CIT: variants seen among roughly 807,000 people sequenced by gnomAD.
The protein encoded by CIT is citron rho-interacting serine/threonine kinase, also known as citron Rho-interacting kinase.
A neutral mutation model predicts 272.7 loss-of-function variants in CIT; 79 were observed. The ratio of observed to expected loss-of-function variants is 0.29; its 90% CI spans 0.24 to 0.35. The LOEUF (loss-of-function observed/expected upper bound fraction) is 0.35, where lower values mean the gene tolerates loss of function less well. Among genes scored for constraint, CIT ranks in the 10% least tolerant of loss-of-function variants. The probability of loss-of-function intolerance (pLI) is 1.00; values close to 1 mark genes in which losing one functional copy is unlikely to be tolerated. For missense variants in CIT, 1,909 were observed against 2,618.3 expected (o/e 0.73, Z 5.91); for synonymous variants, 948 against 995.6 (o/e 0.95, Z 0.90).
chr12:119,700,990 T>G, intron 43 of CIT, 165 bp from the exon 44 acceptor site: 1 of 418,512 alleles, frequency 2.4e-6, no homozygotes, highest in Non-Finnish European at 4.3e-6. Flanking sequence ...TCAGCTTTAT[T>G]AAAAATGAGG....
At chr12:119,833,976 T>TG in intron 6 of CIT, 110 bp downstream of exon 6, 2 of 1,146,486 alleles carry the variant, frequency 1.7e-6, no homozygotes, top group South Asian at 3.3e-5. Context: ...AAAAACTGGA[T>TG]GGGGCGTTAT....
In CIT at chr12:119,713,297, G is replaced by A; in HGVS notation, c.4488-3C>T. 6.2e-7 allele frequency: 1 copy of A among 1,613,426 alleles called. No individual in the cohort carries two copies. Among genetic ancestry groups the A allele is most frequent in the Admixed American group, 1.7e-5 (1 of 59,992 alleles). ...CTTGCTGTCCTCGTTTGTTATTCCT[G>A]GGGAAAGAAAGATGGAAAAGAAAAA... On this transcript the variant is annotated splice_polypyrimidine_tract_variant and splice_region_variant and intron_variant, in intron 34 of 47. Transcript: ENST00000392521. This position sits in a 1 kb window ranked among gnomAD's most constrained non-coding sequence, Gnocchi z 5.2.
Position 119,858,488 on chromosome 12 carries a change from A to C in CIT, c.239-790T>G, listed in dbSNP as rs191760478. 1.5e-3 allele frequency among the ~76,000 whole-genome samples: 231 copies of C among 150,062 alleles called. 5 individuals are homozygous for C. The highest frequency in any genetic ancestry group is 5.9e-5 in the Non-Finnish European group (4 of 67,612). ...GCTGAGATTGTGCCACAGCACTCCA[A>C]TCTGGGTGACAGAGTGAAACTCTGT... On this transcript the variant is annotated intron_variant, in intron 3 of 47. Transcript: ENST00000392521.
In CIT at chr12:119,698,125, G is replaced by C. The variant is rs907150724; in HGVS notation, c.5624-71C>G. 5 of 1,345,034 alleles carry C rather than the reference G, an allele frequency of 3.7e-6. No individual in the cohort carries two copies. In the African/African-American group the frequency reaches 7.2e-5, roughly 19 times the overall value. The allele number at this position is 1,345,034 out of a possible 1,614,324, so 83.3% of individuals were successfully genotyped here. ...AAAGAGGGAAAATCAAAATCTGACT[G>C]CAATGCATTCTTTGACCCAGCAATC... On this transcript the variant is annotated intron_variant, in intron 44 of 47. Coordinates refer to ENST00000392521, the MANE Select transcript of CIT (RefSeq NM_001206999.2).
At chr12:119,783,829 G>C in intron 12 of CIT, 79 bp downstream of exon 12, 11 of 1,471,340 alleles carry the variant, frequency 7.5e-6, no homozygotes, top group Non-Finnish European at 1.0e-5. Context: ...GTGCCTCATG[G>C]AGCCATCATG....
At chr12:119,812,745 ATTTTT>A (rs11315906) in intron 9 of CIT, among the ~76,000 whole-genome samples, 1 of 128,198 alleles carries the variant, frequency 7.8e-6, no homozygotes, top group Non-Finnish European at 1.6e-5. Context: ...TTTATTCTTA[ATTTTT>A]TTTTTTTTTT....
intron 5 of CIT, among the ~76,000 whole-genome samples, chr12:119,838,127 C>T (rs1294136613): frequency 1.3e-5 from 2 of 152,066 alleles, no homozygotes; most frequent in African/African-American, 4.8e-5. Flanking sequence ...GGCTGGAGTG[C>T]AGTGCCACGA....
intron 5 of CIT, among the ~76,000 whole-genome samples, chr12:119,848,305 A>G (rs1969960362): frequency 6.6e-6 from 1 of 152,198 alleles, no homozygotes; most frequent in South Asian, 2.1e-4. Context: ...TTAGGTCAGG[A>G]ATAAAAGCAG....
chr12:119,758,836 C>CT (rs982701772), intron 20 of CIT, 136 bp from the exon 21 acceptor site: 3 of 662,120 alleles, frequency 4.5e-6, no homozygotes, highest in Non-Finnish European at 5.5e-6. Context: ...AGTCTGTACT[C>CT]TGAGGATCAC....
intron 9 of CIT, among the ~76,000 whole-genome samples, chr12:119,810,427 T>G (rs1298098717): frequency 1.3e-5 from 2 of 151,996 alleles, no homozygotes; most frequent in Non-Finnish European, 2.9e-5. Context: ...TGGCTGGGCG[T>G]AGTGGCTCAC....
At chr12:119,763,449 G>A (rs1353217447) in intron 19 of CIT, among the ~76,000 whole-genome samples, 2 of 152,064 alleles carry the variant, frequency 1.3e-5, no homozygotes, top group Admixed American at 6.6e-5. Context: ...GACTGGTCTC[G>A]AATCCCTGGA....
chr12:119,741,302 A>G (rs1959046710), intron 24 of CIT, among the ~76,000 whole-genome samples: 1 of 152,206 alleles, frequency 6.6e-6, no homozygotes. Flanking sequence ...AGACTAAACT[A>G]TGGTTATCAG....
Position 119,698,972 on chromosome 12 carries a change from G to A in CIT, c.5624-918C>T, listed in dbSNP as rs560235600. ...TTCAATTTTTAAAAAGACTAGGTTC[G>A]GGCTGGGCGCGGTGGCTCATGCCTG... is the stretch of plus-strand genomic sequence containing the variant. On this transcript the variant is annotated intron_variant, in intron 44 of 47. Transcript: ENST00000392521. Among the ~76,000 whole-genome samples, 11 of 151,800 alleles carry A rather than the reference G, an allele frequency of 7.2e-5. No individual in the cohort carries two copies. The East Asian group carries it at 7.8e-4, about 11-fold the overall frequency.
At position 119,717,138 on chromosome 12, in the gene CIT, T is replaced by C. The variant is rs1193613433; in HGVS notation, c.4168+1107A>G. Among the ~76,000 whole-genome samples the C allele has an allele frequency of 2.6e-5, 4 of 152,126 alleles. 1 individual carries two copies. Among genetic ancestry groups the C allele is most frequent in the Non-Finnish European group, 4.4e-5 (3 of 67,966 alleles). On this transcript the variant is annotated intron_variant, in intron 32 of 47. Transcript: ENST00000392521. Reference sequence around the variant, plus strand: ...CTTTATCTTGGCTCACTGCAACCTCTGCCTCCCAGGTTCAAACAGTTCTCC... The same window carrying C: ...CTTTATCTTGGCTCACTGCAACCTCCGCCTCCCAGGTTCAAACAGTTCTCC...
Position 119,710,232 on chromosome 12 carries a change from C to T in CIT, c.5071+19G>A. On this transcript the variant is annotated intron_variant, in intron 39 of 47. Coordinates refer to ENST00000392521, the MANE Select transcript of CIT (RefSeq NM_001206999.2). The surrounding 1 kb of genome is among the most constrained non-coding windows in gnomAD (Gnocchi z 5.6). ...TCCCTTGAAAGTAAAGAAAAAACACCATGTCCTTGGCCTCACACCTGCTAT... is the reference window on the plus strand; with the variant it reads ...TCCCTTGAAAGTAAAGAAAAAACACTATGTCCTTGGCCTCACACCTGCTAT... The T allele has an allele frequency of 6.2e-7, 1 of 1,605,828 alleles. No individual in the cohort carries two copies. The highest frequency in any genetic ancestry group is 2.2e-5 in the East Asian group (1 of 44,848).
chr12:119,845,777 C>G (rs919720130), intron 5 of CIT, among the ~76,000 whole-genome samples: 1 of 151,774 alleles, frequency 6.6e-6, no homozygotes, highest in Non-Finnish European at 1.5e-5. Flanking sequence ...TGGTGAAACC[C>G]CATCTCTACT....
chr12:119,729,273 A>G (rs545897890), intron 27 of CIT, among the ~76,000 whole-genome samples: 1 of 152,328 alleles, frequency 6.6e-6, no homozygotes, highest in South Asian at 2.1e-4. Flanking sequence ...ACCCAGTTTC[A>G]GGGAACTCAG....
chr12:119,803,586 C>G (rs1966395050), intron 9 of CIT, 197 bp from the exon 10 acceptor site: 1 of 433,172 alleles, frequency 2.3e-6, no homozygotes, highest in Admixed American at 4.0e-5. Context: ...GCCACCAACC[C>G]GCAGACAGGC....
chr12:119,788,304 C>G (rs1250803574), intron 10 of CIT, among the ~76,000 whole-genome samples: 3 of 152,132 alleles, frequency 2.0e-5, no homozygotes, highest in Non-Finnish European at 1.5e-5. Flanking sequence ...GAGCAAAATT[C>G]CTTTGCTATT....
Sources: gnomAD v4.1 joint callset for allele counts (sites outside exome capture counted in the v4.1 genomes callset) on GRCh38, gnomAD v4.1.1 for gene constraint, Gnocchi (gnomAD v3.1) non-coding constraint, MANE v1.5 for transcripts, NCBI Gene and HGNC (gene_info 2026-07-23, HGNC 2026-07-21) for gene names.